ATP7B: variants seen among roughly 807,000 people sequenced by gnomAD.
The protein encoded by ATP7B is copper-transporting ATPase 2.
A neutral mutation model predicts 118.9 loss-of-function variants in ATP7B; 113 were observed. The ratio of observed to expected loss-of-function variants is 0.95; its 90% CI spans 0.82 to 1.11. The LOEUF is 1.11. Ranked by LOEUF, ATP7B falls within the 50% of genes most tolerant of loss-of-function variation. ATP7B has a pLI of 0.00. For missense variants in ATP7B, 1,867 were observed against 1,871.4 expected (o/e 1.00, Z 0.04); for synonymous variants, 777 against 727.4 (o/e 1.07, Z -1.10).
chr13:51,983,273 C>T lies in ATP7B; in HGVS notation c.52-8105G>A, dbSNP rs1952507522. Among the ~76,000 whole-genome samples the T allele has an allele frequency of 2.0e-5, 3 of 152,154 alleles. No individual in the cohort carries two copies. In the South Asian group the frequency reaches 6.2e-4, roughly 32 times the overall value. ...CTGAGGCTTGAGCAGGTGGTTTTCC[C>T]CTCATAGTGTAAACAAAGCCACAGG... On this transcript the variant is annotated intron_variant, in intron 1 of 20. Coordinates refer to ENST00000242839, the MANE Select transcript of ATP7B (RefSeq NM_000053.4).
intron 2 of ATP7B, among the ~76,000 whole-genome samples, chr13:51,972,977 T>C (rs1732475993): frequency 6.6e-6 from 1 of 152,168 alleles, no homozygotes; most frequent in Non-Finnish European, 1.5e-5. Context: ...CTATCCTCCA[T>C]CTTGGACAAC....
At chr13:51,978,334 G>A (rs1952228063) in intron 1 of ATP7B, among the ~76,000 whole-genome samples, 1 of 152,168 alleles carries the variant, frequency 6.6e-6, no homozygotes, top group African/African-American at 2.4e-5. Context: ...AAAAAGAAAT[G>A]CATATGGTTT....
At chr13:51,957,084 A>T (rs780561491) in intron 9 of ATP7B, among the ~76,000 whole-genome samples, 27 of 152,294 alleles carry the variant, frequency 1.8e-4, no homozygotes, top group South Asian at 2.1e-4. Flanking sequence ...GAATAATAAT[A>T]ATTATTATTT....
At position 51,934,923 on chromosome 13, in the gene ATP7B, G is replaced by A. The variant is rs559705781; in HGVS notation, c.4231C>T (p.Arg1411Trp). ...SVHIGMDDRW[R>W]DSPRATPWDQ... ...CATGGTGTGGCCCTGGGGGAGTCCC[G>A]CCACCTGTCATCCATGCCTATGTGC... Residue 1411 changes from arginine (R) to tryptophan (W), a missense_variant, in exon 21 of 21, where the codon CGG (arginine) becomes TGG (tryptophan). Coordinates refer to ENST00000242839, the MANE Select transcript of ATP7B (RefSeq NM_000053.4). 6.8e-6 allele frequency: 11 copies of A among 1,614,044 alleles called. No individual in the cohort carries two copies. The highest frequency in any genetic ancestry group is 4.4e-5 in the South Asian group (4 of 91,076).
rs74087029 is a variant in ATP7B, at chr13:51,970,841, T to C, written c.1286-92A>G. 4.3e-3 allele frequency: 5,897 copies of C among 1,372,172 alleles called. 198 individuals are homozygous for C. In the African/African-American group the frequency reaches 0.073, roughly 17 times the overall value. The allele number at this position is 1,372,172 out of a possible 1,614,324, so 85.0% of individuals were successfully genotyped here. A position where few individuals can be genotyped will look rare whatever the true frequency, so the allele number is the denominator to read the frequency against. ...TTTCAGGGCTCTTGGTGAGGGTTCA[T>C]TGTCCCGGCTCCCACCGAGCAGCCT... is the stretch of plus-strand genomic sequence containing the variant. On this transcript the variant is annotated intron_variant, in intron 2 of 20. Coordinates refer to ENST00000242839, the MANE Select transcript of ATP7B (RefSeq NM_000053.4).
intron 2 of ATP7B, among the ~76,000 whole-genome samples, chr13:51,973,655 C>T (rs182801503): frequency 1.3e-4 from 20 of 152,302 alleles, no homozygotes; most frequent in Admixed American, 1.2e-3. Context: ...AAACAAATTC[C>T]ATATCTTTAT....
intron 2 of ATP7B, among the ~76,000 whole-genome samples, chr13:51,973,246 C>T (rs1395372138): frequency 1.3e-5 from 2 of 152,140 alleles, no homozygotes; most frequent in Admixed American, 1.3e-4. Flanking sequence ...TGGATGGTCC[C>T]ACAGTGCTCT....
At position 51,973,955 on chromosome 13, in the gene ATP7B, A is replaced by G. The variant is rs1951968901; in HGVS notation, c.1265T>C (p.Phe422Ser). ...ELRAAIEDMG[F>S]EASVVSESCS... ...CGTACCAGAAACGACTGAAGCCTCA[A>G]ATCCCATGTCTTCTATAGCAGCTCT... is the stretch of plus-strand genomic sequence containing the variant. The change falls in exon 2 of 21, where the codon TTT becomes TCT. Residue 422 changes from phenylalanine to serine, a missense_variant. Transcript: ENST00000242839. 1 of 1,614,236 alleles carries G rather than the reference A, an allele frequency of 6.2e-7. No individual in the cohort carries two copies. The highest frequency in any genetic ancestry group is 2.2e-5 in the East Asian group (1 of 44,892).
chr13:52,001,423 C>T (rs1953487590), intron 1 of ATP7B, among the ~76,000 whole-genome samples: 1 of 152,088 alleles, frequency 6.6e-6, no homozygotes, highest in Non-Finnish European at 1.5e-5. Context: ...CCAACTTATC[C>T]TCACACTCCT....
chr13:51,941,220 T>C lies in ATP7B; in HGVS notation c.3417A>G (p.Ala1139=). 1.2e-6 allele frequency: 2 copies of C among 1,614,142 alleles called. No individual in the cohort carries two copies. The highest frequency in any genetic ancestry group is 1.7e-6 in the Non-Finnish European group (2 of 1,180,008). Residue 1139 remains alanine (A), a synonymous_variant, in exon 16 of 21, where the codon GCA becomes GCG. Coordinates refer to ENST00000242839, the MANE Select transcript of ATP7B (RefSeq NM_000053.4). ...EAGSLPAEKD[A]VPQTFSVLIG... is the part of the protein sequence containing the mutation. ...TCAGCACAGAGAAGGTCTGGGGGAC[T>C]GCATCTATTCAAAAGAGGCTGTGGT...
In ATP7B at chr13:51,939,636, G is replaced by A. The variant is rs118116394; in HGVS notation, c.3557-443C>T. Among the ~76,000 whole-genome samples, 312 of 144,066 alleles carry A rather than the reference G, an allele frequency of 2.2e-3. 1 individual carries two copies. The highest frequency in any genetic ancestry group is 3.7e-3 in the Non-Finnish European group (242 of 65,686). 94.5% of individuals were successfully genotyped at this position (144,066 alleles called of 152,430 possible). Reference sequence around the variant, plus strand: ...CGTCTTTTCCTGCAGAAAACATTTCGGCAGAATTTCTCTTTGAGTGAATCT... The same window carrying A: ...CGTCTTTTCCTGCAGAAAACATTTCAGCAGAATTTCTCTTTGAGTGAATCT... On this transcript the variant is annotated intron_variant, in intron 16 of 20. Transcript: ENST00000242839.
chr13:51,946,903 C>G (rs1027514783), intron 12 of ATP7B, among the ~76,000 whole-genome samples: 1 of 152,094 alleles, frequency 6.6e-6, no homozygotes, highest in Non-Finnish European at 1.5e-5. Flanking sequence ...GGCATAGGAG[C>G]GGCATTTAAG....
chr13:51,965,459 G>A (rs763068977), intron 4 of ATP7B, among the ~76,000 whole-genome samples: 54 of 152,136 alleles, frequency 3.5e-4, no homozygotes, highest in Non-Finnish European at 6.0e-4. Flanking sequence ...GCTGGCATGC[G>A]GTCTGCAGCT....
Position 51,970,713 on chromosome 13 carries a change from G to C in ATP7B, c.1322C>G (p.Ala441Gly). ...TGTAGTTTGCACCATGGAATTCCCA[G>C]CACTGTGGTTTCCAAGAGGGTTAGT... ...CSTNPLGNHSAGNSMVQTTDG... is the reference protein window; with the variant it reads ...CSTNPLGNHSGGNSMVQTTDG... The change falls in exon 3 of 21, where the codon GCT becomes GGT. Residue 441 changes from alanine to glycine, a missense_variant. Coordinates refer to ENST00000242839, the MANE Select transcript of ATP7B (RefSeq NM_000053.4). 6.2e-7 allele frequency: 1 copy of C among 1,614,132 alleles called. No individual in the cohort carries two copies.
chr13:51,943,158 G>A (rs1957439779), intron 14 of ATP7B, among the ~76,000 whole-genome samples: 1 of 152,138 alleles, frequency 6.6e-6, no homozygotes, highest in Admixed American at 6.5e-5. Context: ...GTTCTCCTGA[G>A]CCTGACGCCT....
At chr13:51,978,164 G>A (rs1952220067) in intron 1 of ATP7B, among the ~76,000 whole-genome samples, 1 of 151,746 alleles carries the variant, frequency 6.6e-6, no homozygotes, top group Non-Finnish European at 1.5e-5. Flanking sequence ...AACACAATAA[G>A]GACAAAAAAT....
intron 1 of ATP7B, among the ~76,000 whole-genome samples, chr13:51,982,954 G>A (rs901179962): frequency 1.3e-5 from 2 of 152,336 alleles, no homozygotes; most frequent in Admixed American, 1.3e-4. Flanking sequence ...TACACCACCA[G>A]GGCCCTGGGT....
chr13:51,983,618 G>C lies in ATP7B; in HGVS notation c.52-8450C>G, dbSNP rs1259015834. 3.3e-5 allele frequency among the ~76,000 whole-genome samples: 5 copies of C among 151,404 alleles called. No individual in the cohort carries two copies. The East Asian group carries it at 9.8e-4, about 30-fold the overall frequency. Reference sequence around the variant, plus strand: ...CGTGACCCCTGTGTCTCCTGACCAGGAGACACCCCCCAGCAGGGGCCAAAA... The same window carrying C: ...CGTGACCCCTGTGTCTCCTGACCAGCAGACACCCCCCAGCAGGGGCCAAAA... On this transcript the variant is annotated intron_variant, in intron 1 of 20. Coordinates refer to ENST00000242839, the MANE Select transcript of ATP7B (RefSeq NM_000053.4).
At chr13:52,011,165 G>T in intron 1 of ATP7B, 122 bp downstream of exon 1, 1 of 1,404,086 alleles carries the variant, frequency 7.1e-7, no homozygotes, top group East Asian at 2.3e-5. Context: ...CATCCCTGGA[G>T]CTGGGGTCTG....
Sources: gnomAD v4.1 joint callset for allele counts (sites outside exome capture counted in the v4.1 genomes callset) on GRCh38, gnomAD v4.1.1 for gene constraint, MANE v1.5 for transcripts, NCBI Gene and HGNC (gene_info 2026-07-23, HGNC 2026-07-21) for gene names.